Variants in NSG2 observed in about 807,000 individuals in gnomAD.
NSG2 encodes the protein neuronal vesicle trafficking associated 2.
A neutral mutation model predicts 16.9 loss-of-function variants in NSG2; 4 were observed. That is an observed-to-expected ratio of 0.24 (90% CI 0.12 to 0.54). NSG2 has a LOEUF of 0.54. NSG2 is among the 20% of genes least tolerant of loss of function. The probability of loss-of-function intolerance (pLI) is 0.95; values close to 1 mark genes in which losing one functional copy is unlikely to be tolerated. For synonymous variants in NSG2, 98 were observed against 88.7 expected, an observed-to-expected ratio of 1.11 and a Z score of -0.59; for missense variants, 179 against 221.1, an observed-to-expected ratio of 0.81 and a Z score of 1.21.
chr5:174,077,047 G>C (rs1233430989), intron 3 of NSG2, among the ~76,000 whole-genome samples: 1 of 152,040 alleles, frequency 6.6e-6, no homozygotes. Flanking sequence ...AAAAGGTAAA[G>C]ACAAAAAGAC....
chr5:174,065,099 C>T (rs1295862714), intron 3 of NSG2, among the ~76,000 whole-genome samples: 2 of 152,058 alleles, frequency 1.3e-5, no homozygotes, highest in Admixed American at 6.5e-5. Flanking sequence ...GAGGCTGAGT[C>T]GGATGGATCA....
chr5:174,049,091 G>C (rs1759846058), intron 2 of NSG2, among the ~76,000 whole-genome samples: 1 of 152,158 alleles, frequency 6.6e-6, no homozygotes, highest in East Asian at 1.9e-4. Context: ...TGTAATCCCA[G>C]CACTTTGGGA....
In NSG2 at chr5:174,066,334, C is replaced by T. The variant is rs73326824; in HGVS notation, c.213+2019C>T. 2.0e-3 allele frequency: 873 copies of T among 443,666 alleles called. 6 individuals carry two copies. The highest frequency in any genetic ancestry group is 0.015 in the African/African-American group (744 of 49,966). The allele number at this position is 443,666 out of a possible 1,614,324, so 27.5% of individuals were successfully genotyped here. A position where few individuals can be genotyped will look rare whatever the true frequency, so the allele number is the denominator to read the frequency against. On this transcript the variant is annotated intron_variant, in intron 3 of 4. Transcript: ENST00000303177. ...AGGAGAGGCCTGGGGTATCTTGGTG[C>T]ACCAGGCCACGGGGTCAAATTTACC...
intron 3 of NSG2, among the ~76,000 whole-genome samples, chr5:174,077,062 C>G (rs1345143410): frequency 6.6e-6 from 1 of 152,086 alleles, no homozygotes. Flanking sequence ...AAAGACTTCT[C>G]AAGGTTGTAG....
In NSG2 at chr5:174,107,525, TG is replaced by T. The variant is rs201768305; in HGVS notation, c.*26del. 34 of 1,437,102 alleles carry T rather than the reference TG, an allele frequency of 2.4e-5. No homozygotes were observed. The highest frequency in any genetic ancestry group is 3.1e-5 in the Non-Finnish European group (33 of 1,071,118). The allele number at this position is 1,437,102 out of a possible 1,614,324, so 89.0% of individuals were successfully genotyped here. On this transcript the variant is annotated 3_prime_UTR_variant, in exon 5 of 5. Coordinates refer to ENST00000303177, the MANE Select transcript of NSG2 (RefSeq NM_015980.5). This position sits in a 1 kb window ranked among gnomAD's most constrained non-coding sequence, Gnocchi z 4.5. ...CACTAGAGGCCTGCCCCAGCCAGAA[TG>T]GGGGGCGGGGTGGAGAGGAGGACCC...
At chr5:174,063,919 TTATAAAC>T (rs1357897876) in intron 2 of NSG2, among the ~76,000 whole-genome samples, 2 of 152,178 alleles carry the variant, frequency 1.3e-5, no homozygotes, top group African/African-American at 4.8e-5. Flanking sequence ...TAAAAGCAGG[TTATAAAC>T]TATAAAGTAT....
At chr5:174,076,593 G>C (rs1395820757) in intron 3 of NSG2, among the ~76,000 whole-genome samples, 3 of 152,160 alleles carry the variant, frequency 2.0e-5, no homozygotes, top group Non-Finnish European at 4.4e-5. Flanking sequence ...TCCAAACTGA[G>C]TCAAGAAACC....
rs1759807218 is a variant in NSG2, at chr5:174,046,808, T to G, written c.53T>G (p.Val18Gly). The G allele has an allele frequency of 6.2e-7, 1 of 1,614,040 alleles. No homozygotes were observed. The highest frequency in any genetic ancestry group is 1.3e-5 in the African/African-American group (1 of 74,922). Reference sequence around the variant, plus strand: ...GAGAAGGGAACCAAGCCGCCTTCAGTTGAGGATGGCTTCCAGACCGTCCCT... The same window carrying G: ...GAGAAGGGAACCAAGCCGCCTTCAGGTGAGGATGGCTTCCAGACCGTCCCT... The part of the protein sequence containing the change: ...PSEKGTKPPS[V>G]EDGFQTVPLI... The change falls in exon 2 of 5, where the codon GTT becomes GGT. Residue 18 changes from valine (V) to glycine (G), a missense_variant. Val to Gly is a moderately radical substitution (Grantham distance 109). Coordinates refer to ENST00000303177, the MANE Select transcript of NSG2 (RefSeq NM_015980.5).
chr5:174,096,133 G>A (rs963572133), intron 3 of NSG2, among the ~76,000 whole-genome samples: 10 of 152,222 alleles, frequency 6.6e-5, no homozygotes, highest in African/African-American at 2.4e-4. Context: ...GCAAATCCAT[G>A]TACAGTGCCA....
chr5:174,082,162 T>C (rs1034657415), intron 3 of NSG2: 1 of 152,212 alleles, frequency 6.6e-6, no homozygotes, highest in African/African-American at 2.4e-5. Flanking sequence ...ATTCTCTTAA[T>C]TGTAACTCCC....
At chr5:174,074,809 T>C (rs1056580257) in intron 3 of NSG2, among the ~76,000 whole-genome samples, 2 of 151,986 alleles carry the variant, frequency 1.3e-5, no homozygotes, top group Non-Finnish European at 2.9e-5. Flanking sequence ...TTGCCATCCA[T>C]GTTTTCTGCT....
intron 3 of NSG2, among the ~76,000 whole-genome samples, chr5:174,100,081 A>T (rs1760875817): frequency 6.6e-6 from 1 of 152,218 alleles, no homozygotes; most frequent in African/African-American, 2.4e-5. Flanking sequence ...TTCAGCTAAG[A>T]CAGCCTCCAT....
chr5:174,079,858 T>G (rs1410977289), intron 3 of NSG2, among the ~76,000 whole-genome samples: 1 of 152,236 alleles, frequency 6.6e-6, no homozygotes, highest in Non-Finnish European at 1.5e-5. Flanking sequence ...GGGAAAATAT[T>G]GATACATTTG....
chr5:174,066,222 G>C (rs1760136837), intron 3 of NSG2: 1 of 456,164 alleles, frequency 2.2e-6, no homozygotes, highest in African/African-American at 2.0e-5. Flanking sequence ...ACACAGCACA[G>C]GCCCAGTGAA....
chr5:174,056,405 G>A (rs1759968372), intron 2 of NSG2: 1 of 152,254 alleles, frequency 6.6e-6, no homozygotes, highest in Admixed American at 6.5e-5. Flanking sequence ...ATAGGAAAGA[G>A]TATGGTATTC....
At chr5:174,051,876 C>T (rs141228444) in intron 2 of NSG2, among the ~76,000 whole-genome samples, 46 of 152,298 alleles carry the variant, frequency 3.0e-4, no homozygotes, top group African/African-American at 1.0e-3. Context: ...TAACTGAGCC[C>T]TCAGAAGGGT....
rs890796950 is a variant in NSG2 at position 174,107,136 on chromosome 5, G to C, written c.325-178G>C. Among the ~76,000 whole-genome samples the C allele has an allele frequency of 6.6e-5, 10 of 152,170 alleles. No homozygotes were observed. Among genetic ancestry groups the C allele is most frequent in the African/African-American group, 2.4e-4 (10 of 41,444 alleles). The stretch of plus-strand genomic sequence containing the variant: ...GGCTTCTTCTAAGTGGAGCTTTGCT[G>C]TTTGTGCTGGTGCTGGTGTTGGGAA... On this transcript the variant is annotated intron_variant, in intron 4 of 4. Coordinates refer to ENST00000303177, the MANE Select transcript of NSG2 (RefSeq NM_015980.5). The surrounding 1 kb of genome is among the most constrained non-coding windows in gnomAD (Gnocchi z 4.5).
intron 2 of NSG2, among the ~76,000 whole-genome samples, chr5:174,049,105 T>C (rs954596383): frequency 5.3e-5 from 8 of 152,026 alleles, no homozygotes; most frequent in Admixed American, 3.3e-4. Flanking sequence ...TTTGGGAGGC[T>C]GAGGCGGGCG....
rs909796600 is a variant in NSG2, at chr5:174,064,757, T to C, written c.213+442T>C. 8.5e-5 allele frequency among the ~76,000 whole-genome samples: 13 copies of C among 152,156 alleles called. No homozygotes were observed. In the South Asian group the frequency reaches 2.5e-3, roughly 29 times the overall value. ...ACCCTAATGGTTGGCTTCCTATTTC[T>C]TGGTGGAGGGGCCGCGAGGAGCACT... On this transcript the variant is annotated intron_variant, in intron 3 of 4. Coordinates refer to ENST00000303177, the MANE Select transcript of NSG2 (RefSeq NM_015980.5).
Sources: gnomAD v4.1 joint callset for allele counts (sites outside exome capture counted in the v4.1 genomes callset) on GRCh38, gnomAD v4.1.1 for gene constraint, Gnocchi (gnomAD v3.1) non-coding constraint, MANE v1.5 for transcripts, NCBI Gene and HGNC (gene_info 2026-07-23, HGNC 2026-07-21) for gene names.